The following PAX7 variants were observed in gnomAD, a reference collection of about 807,000 sequenced individuals.
PAX7 encodes the protein paired box 7.
PAX7 carries 18 observed loss-of-function variants against 50.7 expected under a neutral mutation model. That is an observed-to-expected ratio of 0.36 (90% CI 0.25 to 0.53). The LOEUF (loss-of-function observed/expected upper bound fraction) is 0.53. PAX7 is among the 20% of genes least tolerant of loss of function. The pLI is 0.93. For missense variants in PAX7, 644 were observed against 702.9 expected (o/e 0.92, Z 0.95); for synonymous variants, 310 against 290.4 (o/e 1.07, Z -0.69).
Position 18,703,081 on chromosome 1 carries a change from G to C in PAX7, c.953-13G>C, listed in dbSNP as rs1236735553. ...GGCCACTTGCTTAGGACCTCTCTTG[G>C]GTCTCTCTACAGATGGGGGCAGCAC... On this transcript the variant is annotated splice_polypyrimidine_tract_variant and intron_variant, in intron 6 of 8. Coordinates refer to ENST00000420770, the MANE Select transcript of PAX7 (RefSeq NM_001135254.2). 2 of 1,611,206 alleles carry C rather than the reference G, an allele frequency of 1.2e-6. No homozygotes were observed. The highest frequency in any genetic ancestry group is 1.7e-6 in the Non-Finnish European group (2 of 1,178,200).
At chr1:18,635,493 A>AGGAAGGAAGGAAGGGAGGAAGGAAG (rs1553133186) in intron 3 of PAX7, among the ~76,000 whole-genome samples, 1 of 68,792 alleles carries the variant, frequency 1.5e-5, no homozygotes, top group East Asian at 2.5e-4. Flanking sequence ...AAAGGGAGGA[A>AGGAAGGAAGGAAGGGAGGAAGGAAG]GAAGGAAGGA....
intron 4 of PAX7, among the ~76,000 whole-genome samples, chr1:18,685,522 G>C (rs1006199409): frequency 3.3e-5 from 5 of 152,322 alleles, no homozygotes; most frequent in African/African-American, 1.2e-4. Flanking sequence ...AAATCACCTT[G>C]GATGGGCCCA....
chr1:18,744,953 G>A lies in PAX7; in HGVS notation c.*24G>A. 1 of 1,371,386 alleles carries A rather than the reference G, an allele frequency of 7.3e-7. No individual in the cohort carries two copies. Among genetic ancestry groups the A allele is most frequent in the East Asian group, 2.5e-5 (1 of 39,992 alleles). 85.0% of individuals were successfully genotyped at this position (1,371,386 alleles called of 1,614,324 possible). A position where few individuals can be genotyped will look rare whatever the true frequency, so the allele number is the denominator to read the frequency against. On this transcript the variant is annotated 3_prime_UTR_variant, in exon 9 of 9. Coordinates refer to ENST00000420770, the MANE Select transcript of PAX7 (RefSeq NM_001135254.2). ...AGGGCCCCTGGGGCGACTTGCCCCA[G>A]CCCAATTCCCAGCCCAACCCTAACT...
At chr1:18,647,631 C>T (rs1461140875) in intron 4 of PAX7, among the ~76,000 whole-genome samples, 4 of 152,276 alleles carry the variant, frequency 2.6e-5, no homozygotes, top group Admixed American at 1.3e-4. Flanking sequence ...TGGACACAAC[C>T]TCAAAGTAGG....
At position 18,635,114 on chromosome 1, in the gene PAX7, G is replaced by A. The variant is rs2100419328; in HGVS notation, c.325G>A (p.Val109Met). 1.2e-6 allele frequency: 2 copies of A among 1,613,624 alleles called. No individual in the cohort carries two copies. The highest frequency in any genetic ancestry group is 1.7e-6 in the Non-Finnish European group (2 of 1,179,708). Residue 109 changes from valine to methionine, a missense_variant, in exon 3 of 9, where the codon GTG (valine) becomes ATG (methionine). By Grantham distance (21) the Val-to-Met change is conservative. Transcript: ENST00000420770. ...GAIGGSKPRQ[V>M]ATPDVEKKIE... ...TCTCCCACCTCCACCTCTGAAGCAGGTGGCGACTCCGGATGTAGAGAAAAA... is the reference window on the plus strand; with the variant it reads ...TCTCCCACCTCCACCTCTGAAGCAGATGGCGACTCCGGATGTAGAGAAAAA...
In PAX7 at chr1:18,631,449, G is replaced by C. The variant is rs1436578802; in HGVS notation, c.-155G>C. The C allele has an allele frequency of 6.2e-6, 4 of 650,206 alleles. No homozygotes were observed. Among genetic ancestry groups the C allele is most frequent in the Non-Finnish European group, 8.2e-6 (3 of 366,778 alleles). The allele number at this position is 650,206 out of a possible 1,614,324, so 40.3% of individuals were successfully genotyped here. A position where few individuals can be genotyped will look rare whatever the true frequency, so the allele number is the denominator to read the frequency against. ...CGCGTTTGACTGCAGCCAGGGGTGG[G>C]GGGTGGGGGTAGGGAGTGTGTGTGG... On this transcript the variant is annotated 5_prime_UTR_variant, in exon 1 of 9. Coordinates refer to ENST00000420770, the MANE Select transcript of PAX7 (RefSeq NM_001135254.2).
intron 7 of PAX7, among the ~76,000 whole-genome samples, chr1:18,719,211 TCTG>T (rs1441890680): frequency 6.6e-6 from 1 of 152,234 alleles, no homozygotes; most frequent in Non-Finnish European, 1.5e-5. Context: ...CATTCATGCT[TCTG>T]CTCCCAGTGG....
In PAX7 at chr1:18,634,652, G is replaced by A; in HGVS notation, c.321+114G>A. 1 of 779,572 alleles carries A rather than the reference G, an allele frequency of 1.3e-6. No homozygotes were observed. 48.3% of individuals were successfully genotyped at this position (779,572 alleles called of 1,614,324 possible). On this transcript the variant is annotated intron_variant, in intron 2 of 8. Transcript: ENST00000420770. This position sits in a 1 kb window ranked among gnomAD's most constrained non-coding sequence, Gnocchi z 4.0. ...GGCTGTAGGAAAGTACAGCTGGAGG[G>A]TGTCTTCTACTCCCAGATGTCCTCC...
chr1:18,635,105 C>T lies in PAX7; in HGVS notation c.322-6C>T. On this transcript the variant is annotated splice_region_variant and splice_polypyrimidine_tract_variant and intron_variant, in intron 2 of 8. Coordinates refer to ENST00000420770, the MANE Select transcript of PAX7 (RefSeq NM_001135254.2). ...CACTCCTACTCTCCCACCTCCACCT[C>T]TGAAGCAGGTGGCGACTCCGGATGT... 6.2e-7 allele frequency: 1 copy of T among 1,613,564 alleles called. No individual in the cohort carries two copies. Among genetic ancestry groups the T allele is most frequent in the Non-Finnish European group, 8.5e-7 (1 of 1,179,662 alleles).
intron 7 of PAX7, among the ~76,000 whole-genome samples, chr1:18,731,505 A>G (rs1001196240): frequency 6.6e-6 from 1 of 152,166 alleles, no homozygotes; most frequent in Non-Finnish European, 1.5e-5. Flanking sequence ...CCCCATCTGC[A>G]TAATGGGAGT....
intron 4 of PAX7, among the ~76,000 whole-genome samples, chr1:18,649,784 G>C (rs2088403417): frequency 6.6e-6 from 1 of 152,242 alleles, no homozygotes; most frequent in African/African-American, 2.4e-5. Context: ...ATTGTGGTTA[G>C]GGTTGGAATT....
rs539484315 is a variant in PAX7 at position 18,687,367 on chromosome 1, G to A, written c.587-4387G>A. 1.1e-3 allele frequency among the ~76,000 whole-genome samples: 161 copies of A among 152,242 alleles called. 1 individual carries two copies. The highest frequency in any genetic ancestry group is 5.2e-3 in the South Asian group (25 of 4,816). On this transcript the variant is annotated intron_variant, in intron 4 of 8. Transcript: ENST00000420770. ...CCCACAAGCCAGGTCTCAGGCTGCC[G>A]AGACCAGGATTCCTGATTAGACCGG...
chr1:18,721,607 G>A (rs923686782), intron 7 of PAX7, among the ~76,000 whole-genome samples: 4 of 152,230 alleles, frequency 2.6e-5, no homozygotes, highest in African/African-American at 9.6e-5. Context: ...CAGAAAGCCC[G>A]GAGCTCCCTG....
In PAX7 at chr1:18,748,369, C is replaced by A. The variant is rs992084426; in HGVS notation, c.*3440C>A. 8.7e-5 allele frequency: 20 copies of A among 230,058 alleles called. No individual in the cohort carries two copies. The highest frequency in any genetic ancestry group is 1.6e-4 in the Non-Finnish European group (19 of 116,176). 14.3% of individuals were successfully genotyped at this position (230,058 alleles called of 1,614,324 possible). ...GCTGATGTTCTTCTCATCAAGCTCC[C>A]GAATGTGTCTCGCACTATTGGACAC... On this transcript the variant is annotated 3_prime_UTR_variant, in exon 9 of 9. Coordinates refer to ENST00000420770, the MANE Select transcript of PAX7 (RefSeq NM_001135254.2).
At chr1:18,656,771 G>T (rs1460034293) in intron 4 of PAX7, among the ~76,000 whole-genome samples, 1 of 152,110 alleles carries the variant, frequency 6.6e-6, no homozygotes, top group East Asian at 1.9e-4. Flanking sequence ...GAGGCAGGAG[G>T]ATTGCATGAG....
intron 4 of PAX7, among the ~76,000 whole-genome samples, chr1:18,688,265 G>A (rs1570172814): frequency 6.6e-6 from 1 of 152,174 alleles, no homozygotes; most frequent in East Asian, 1.9e-4. Context: ...ATAAAAACAA[G>A]GAACGTTGTT....
In PAX7 at chr1:18,632,105, T is replaced by C. The variant is rs1054825164; in HGVS notation, c.85+417T>C. Among the ~76,000 whole-genome samples, 6 of 152,188 alleles carry C rather than the reference T, an allele frequency of 3.9e-5. No homozygotes were observed. Among genetic ancestry groups the C allele is most frequent in the African/African-American group, 1.4e-4 (6 of 41,450 alleles). Reference sequence around the variant, plus strand: ...TGAATTATTTTTTCCACCCCCGGGATTGGTCTTCCAGTCCTTTATTTCGAA... The same window carrying C: ...TGAATTATTTTTTCCACCCCCGGGACTGGTCTTCCAGTCCTTTATTTCGAA... On this transcript the variant is annotated intron_variant, in intron 1 of 8. Coordinates refer to ENST00000420770, the MANE Select transcript of PAX7 (RefSeq NM_001135254.2). The surrounding 1 kb of genome is among the most constrained non-coding windows in gnomAD (Gnocchi z 6.3).
At chr1:18,644,316 T>C (rs1243857521) in intron 4 of PAX7, among the ~76,000 whole-genome samples, 1 of 152,132 alleles carries the variant, frequency 6.6e-6, no homozygotes, top group Non-Finnish European at 1.5e-5. Flanking sequence ...CTACTGTCCA[T>C]CCCACCCGCA....
intron 4 of PAX7, among the ~76,000 whole-genome samples, chr1:18,657,204 G>T (rs937398272): frequency 3.9e-5 from 6 of 152,050 alleles, no homozygotes; most frequent in African/African-American, 1.4e-4. Flanking sequence ...GAGCATGGGG[G>T]TGATAAGAGG....
Sources: gnomAD v4.1 joint callset for allele counts (sites outside exome capture counted in the v4.1 genomes callset) on GRCh38, gnomAD v4.1.1 for gene constraint, Gnocchi (gnomAD v3.1) non-coding constraint, MANE v1.5 for transcripts, NCBI Gene and HGNC (gene_info 2026-07-23, HGNC 2026-07-21) for gene names.